The following HK1 variants were observed in gnomAD, a reference collection of about 807,000 sequenced individuals.
HK1 encodes hexokinase 1.
A neutral mutation model predicts 91.6 loss-of-function variants in HK1; 28 were observed. The observed-to-expected ratio is 0.31, with a 90% confidence interval of 0.23 to 0.42. HK1 has a LOEUF of 0.42. Ranked by LOEUF, HK1 falls within the 10% of genes least tolerant of loss-of-function variation. The probability of loss-of-function intolerance (pLI) is 1.00; values close to 1 mark genes in which losing one functional copy is unlikely to be tolerated. For missense variants in HK1, 770 were observed against 1,219.8 expected, an observed-to-expected ratio of 0.63 and a Z score of 5.49; for synonymous variants, 430 against 468.1, an observed-to-expected ratio of 0.92 and a Z score of 1.05.
intron 1 of HK1, 190 bp downstream of exon 1, chr10:69,319,200 G>A (rs1240410859): frequency 1.4e-6 from 1 of 714,248 alleles, no homozygotes; most frequent in Non-Finnish European, 2.3e-6. Context: ...GTGTGTGTGC[G>A]TTTTTGGGAG....
At chr10:69,294,675 G>C (rs1020560413) in intron 3 of HK1, among the ~76,000 whole-genome samples, 1 of 148,458 alleles carries the variant, frequency 6.7e-6, no homozygotes, top group South Asian at 2.2e-4. Flanking sequence ...GGCCAACATA[G>C]AGAAATCCCA....
chr10:69,276,675 C>G (rs1209151592), intron 1 of HK1, among the ~76,000 whole-genome samples: 1 of 150,900 alleles, frequency 6.6e-6, no homozygotes, highest in African/African-American at 2.4e-5. Flanking sequence ...AAATTAATAT[C>G]TTAATTTTAA....
intron 16 of HK1, 100 bp downstream of exon 16, chr10:69,395,205 C>T: frequency 5.0e-6 from 6 of 1,202,276 alleles, no homozygotes; most frequent in Non-Finnish European, 6.0e-6. Context: ...GACATTTTGG[C>T]CATTTTTGAG....
chr10:69,289,460 A>ATTTTTTTTTT (rs1564755510), intron 3 of HK1, among the ~76,000 whole-genome samples: 2 of 93,660 alleles, frequency 2.1e-5, no homozygotes, highest in African/African-American at 4.0e-5. Flanking sequence ...TAAAAAAAAA[A>ATTTTTTTTTT]ATTTTTTTTT....
At chr10:69,284,464 C>G (rs1362479282) in intron 2 of HK1, among the ~76,000 whole-genome samples, 1 of 152,056 alleles carries the variant, frequency 6.6e-6, no homozygotes, top group Non-Finnish European at 1.5e-5. Flanking sequence ...TACATCCTCT[C>G]TGAAAGCAAG....
chr10:69,284,679 C>T (rs867900280), intron 2 of HK1, among the ~76,000 whole-genome samples: 3 of 152,188 alleles, frequency 2.0e-5, no homozygotes, highest in African/African-American at 7.2e-5. Context: ...TGCCCTGTCG[C>T]CCAGGCTGGA....
At position 69,304,555 on chromosome 10, in the gene HK1, G is replaced by A. The variant is rs10998705; in HGVS notation, c.27+3694G>A. On this transcript the variant is annotated intron_variant, in intron 5 of 21. Transcript: ENST00000360289. The stretch of plus-strand genomic sequence containing the variant: ...ACTCCTGACCTCAAGTGATCCGCTC[G>A]CCTTGGCCTCCCAAAGCGCTAGGAT... Among the ~76,000 whole-genome samples, 677 of 152,236 alleles carry A rather than the reference G, an allele frequency of 4.4e-3. 6 individuals carry two copies. Among genetic ancestry groups the A allele is most frequent in the African/African-American group, 0.015 (640 of 41,540 alleles).
intron 15 of HK1, 40 bp downstream of exon 15, chr10:69,392,348 G>A: frequency 6.2e-7 from 1 of 1,608,100 alleles, no homozygotes. Flanking sequence ...CAGTCAGGGT[G>A]GGGGCAGCAC....
chr10:69,312,788 G>A (rs1423031014), upstream of HK1, among the ~76,000 whole-genome samples: 1 of 152,164 alleles, frequency 6.6e-6, no homozygotes, highest in Non-Finnish European at 1.5e-5. Context: ...GGAAAAAATT[G>A]TTCCCCCAGG....
upstream of HK1, chr10:69,318,734 G>T (rs1396325754): frequency 3.5e-6 from 3 of 865,938 alleles, no homozygotes; most frequent in Non-Finnish European, 4.9e-6. Flanking sequence ...GGGCGTGGAG[G>T]AGGTGGGTCG....
intron 13 of HK1, among the ~76,000 whole-genome samples, chr10:69,387,738 G>A (rs979084122): frequency 6.6e-6 from 1 of 152,080 alleles, no homozygotes; most frequent in Non-Finnish European, 1.5e-5. Context: ...AGTCAGTAAA[G>A]CCCAACTTTG....
rs752088967 is a variant in HK1 at position 69,364,760 on chromosome 10, G to A, written c.376-23G>A. The A allele has an allele frequency of 2.5e-6, 4 of 1,614,040 alleles. No homozygotes were observed. The African/African-American group carries it at 5.3e-5, about 22-fold the overall frequency. On this transcript the variant is annotated intron_variant, in intron 3 of 17. Transcript: ENST00000359426. ...TGCTAAGCCTGCTTTGGGGCCCCCT[G>A]ACTGCTCTCATGTTTCCTTCAGCTT...
At chr10:69,279,569 C>T (rs1844636589) in intron 1 of HK1, among the ~76,000 whole-genome samples, 1 of 152,010 alleles carries the variant, frequency 6.6e-6, no homozygotes, top group South Asian at 2.1e-4. Context: ...TGATGGGGAA[C>T]CTCAGAATGA....
At chr10:69,276,368 T>G (rs1246593342) in intron 1 of HK1, among the ~76,000 whole-genome samples, 1 of 151,816 alleles carries the variant, frequency 6.6e-6, no homozygotes, top group Admixed American at 6.6e-5. Flanking sequence ...TATTAGAATA[T>G]TAACATCTGG....
At chr10:69,313,900 G>T (rs1272004221), upstream of HK1, among the ~76,000 whole-genome samples, 1 of 152,152 alleles carries the variant, frequency 6.6e-6, no homozygotes, top group Non-Finnish European at 1.5e-5. Flanking sequence ...TTTTAGCTTG[G>T]TGGTTGCTGA....
chr10:69,295,465 C>T (rs1368279350), intron 3 of HK1, among the ~76,000 whole-genome samples: 1 of 152,234 alleles, frequency 6.6e-6, no homozygotes, highest in Non-Finnish European at 1.5e-5. Flanking sequence ...TGCTGCATTT[C>T]ATCCAGAGAA....
intron 1 of HK1, 125 bp downstream of exon 1, chr10:69,319,135 G>A: frequency 1.8e-6 from 2 of 1,140,082 alleles, no homozygotes; most frequent in Non-Finnish European, 2.6e-6. Flanking sequence ...GAGTTGGACT[G>A]CAGGGCGCAA....
chr10:69,363,982 A>G (rs1849566673), intron 3 of HK1, among the ~76,000 whole-genome samples: 3 of 152,250 alleles, frequency 2.0e-5, no homozygotes, highest in Admixed American at 2.0e-4. Context: ...TGTCATCCAC[A>G]TGGTGTCGAG....
At chr10:69,377,120 G>A (rs569339607) in intron 8 of HK1, 31 bp downstream of exon 8, 1 of 1,613,790 alleles carries the variant, frequency 6.2e-7, no homozygotes, top group East Asian at 2.2e-5. Flanking sequence ...GCTTTCTTGG[G>A]GTGTTGGGGC....
Sources: allele counts gnomAD v4.1 joint callset (sites outside exome capture counted in the v4.1 genomes callset), GRCh38; gene constraint gnomAD v4.1.1; transcripts MANE v1.5; gene names NCBI Gene and HGNC (gene_info 2026-07-23, HGNC 2026-07-21).